Variants in FRMD4A observed in about 807,000 individuals in gnomAD.
The protein encoded by FRMD4A is FERM domain containing 4A, also known as FERM domain-containing protein 4A.
A neutral mutation model predicts 129.1 loss-of-function variants in FRMD4A; 29 were observed. The ratio of observed to expected loss-of-function variants is 0.22; its 90% confidence interval spans 0.17 to 0.31. The LOEUF is 0.31. Among genes scored for constraint, FRMD4A ranks in the 10% least tolerant of loss-of-function variants. The probability of loss-of-function intolerance (pLI) is 1.00; values close to 1 mark genes in which losing one functional copy is unlikely to be tolerated. For synonymous variants in FRMD4A, 634 were observed against 571.6 expected (o/e 1.11, Z -1.56); for missense variants, 1,272 against 1,375.8 (o/e 0.92, Z 1.19).
intron 16 of FRMD4A, among the ~76,000 whole-genome samples, chr10:13,671,470 T>C (rs927117180): frequency 1.3e-5 from 2 of 151,986 alleles, no homozygotes; most frequent in African/African-American, 4.8e-5. Context: ...AAAAAAAAAG[T>C]TTAGTAGAAA....
chr10:14,289,525 A>G (rs1260837939), intron 2 of FRMD4A, among the ~76,000 whole-genome samples: 1 of 152,044 alleles, frequency 6.6e-6, no homozygotes, highest in African/African-American at 2.4e-5. Flanking sequence ...TATATTTTGG[A>G]TTTTAATCCC....
chr10:13,664,593 C>G (rs142265498), intron 18 of FRMD4A, among the ~76,000 whole-genome samples: 3 of 152,342 alleles, frequency 2.0e-5, no homozygotes, highest in African/African-American at 7.2e-5. Context: ...CAGCACATCA[C>G]TGCTACGCTA....
intron 3 of FRMD4A, among the ~76,000 whole-genome samples, chr10:13,846,523 GA>G (rs797011892): frequency 2.2e-4 from 33 of 152,328 alleles, no homozygotes; most frequent in African/African-American, 7.7e-4. Context: ...AGAAGTTTGA[GA>G]ATCGTTGGTC....
intron 2 of FRMD4A, among the ~76,000 whole-genome samples, chr10:14,210,976 C>T (rs2131955717): frequency 6.6e-6 from 1 of 152,230 alleles, no homozygotes; most frequent in African/African-American, 2.4e-5. Flanking sequence ...ATCTGCCTGC[C>T]TTGGCTTCCC....
intron 2 of FRMD4A, among the ~76,000 whole-genome samples, chr10:14,169,869 T>C (rs1841385282): frequency 1.3e-5 from 2 of 152,156 alleles, no homozygotes; most frequent in Non-Finnish European, 2.9e-5. Flanking sequence ...TTGCAAGTAA[T>C]TGTCAAGCCT....
chr10:13,997,107 A>G (rs12358292), intron 2 of FRMD4A, among the ~76,000 whole-genome samples: 43,055 of 152,100 alleles, frequency 0.28, 7,323 homozygotes, highest in East Asian at 0.73. Context: ...TAGGTGACCA[A>G]TAGATGATAC....
intron 2 of FRMD4A, among the ~76,000 whole-genome samples, chr10:14,009,851 C>T (rs748230565): frequency 6.6e-6 from 1 of 152,038 alleles, no homozygotes; most frequent in Non-Finnish European, 1.5e-5. Context: ...GCTCACACGG[C>T]GTCTTTGGTG....
At chr10:13,769,667 G>T (rs922410531) in intron 6 of FRMD4A, among the ~76,000 whole-genome samples, 2 of 152,160 alleles carry the variant, frequency 1.3e-5, no homozygotes, top group Non-Finnish European at 2.9e-5. Context: ...TTCTGGATGA[G>T]ATCAGCATTT....
At chr10:13,969,318 C>T (rs1023991278) in intron 2 of FRMD4A, among the ~76,000 whole-genome samples, 3 of 152,254 alleles carry the variant, frequency 2.0e-5, no homozygotes, top group African/African-American at 7.2e-5. Context: ...AGACCACAGA[C>T]AAGCACGAGG....
At chr10:14,142,180 G>A (rs568801828) in intron 2 of FRMD4A, among the ~76,000 whole-genome samples, 3 of 151,240 alleles carry the variant, frequency 2.0e-5, no homozygotes, top group African/African-American at 7.3e-5. Context: ...GTTTTTGCTA[G>A]AAAGTCCCAG....
intron 2 of FRMD4A, among the ~76,000 whole-genome samples, chr10:14,207,116 C>A (rs1842806153): frequency 6.6e-6 from 1 of 151,916 alleles, no homozygotes. Context: ...GTTAGATAAG[C>A]AACATATTTA....
At chr10:14,064,804 T>C (rs1834979090) in intron 2 of FRMD4A, among the ~76,000 whole-genome samples, 1 of 152,122 alleles carries the variant, frequency 6.6e-6, no homozygotes, top group Non-Finnish European at 1.5e-5. Context: ...TCTTGAACTC[T>C]TGATCTCAGG....
At chr10:13,817,957 C>T (rs2093571338) in intron 3 of FRMD4A, among the ~76,000 whole-genome samples, 1 of 152,146 alleles carries the variant, frequency 6.6e-6, no homozygotes, top group African/African-American at 2.4e-5. Flanking sequence ...GTATACTATA[C>T]TACATACAGT....
At chr10:14,301,562 T>C (rs1846187059) in intron 2 of FRMD4A, among the ~76,000 whole-genome samples, 1 of 152,260 alleles carries the variant, frequency 6.6e-6, no homozygotes, top group South Asian at 2.1e-4. Flanking sequence ...TTCTCTTTTA[T>C]TCAATTGACT....
chr10:14,261,788 GT>G (rs1309196877), intron 2 of FRMD4A, among the ~76,000 whole-genome samples: 1 of 152,006 alleles, frequency 6.6e-6, no homozygotes, highest in Non-Finnish European at 1.5e-5. Flanking sequence ...AGGAGGGATC[GT>G]TTTTTCCTCC....
intron 2 of FRMD4A, among the ~76,000 whole-genome samples, chr10:14,055,461 AAACACACACAC>A (rs1834476090): frequency 6.9e-4 from 16 of 23,090 alleles, no homozygotes; most frequent in Non-Finnish European, 1.0e-3. Flanking sequence ...ACACACACAC[AAACACACACAC>A]ACACACACAC....
intron 2 of FRMD4A, among the ~76,000 whole-genome samples, chr10:14,193,851 A>G (rs958920187): frequency 6.6e-6 from 1 of 152,026 alleles, no homozygotes; most frequent in Non-Finnish European, 1.5e-5. Context: ...CCTTTCCTAG[A>G]CTTCTTGGTC....
chr10:14,224,449 C>T (rs1564398956), intron 2 of FRMD4A, among the ~76,000 whole-genome samples: 2 of 150,896 alleles, frequency 1.3e-5, no homozygotes, highest in East Asian at 3.8e-4. Context: ...TTTCTTCCCT[C>T]ATTTCCACTC....
chr10:14,039,494 C>G (rs1197375878), intron 2 of FRMD4A, among the ~76,000 whole-genome samples: 2 of 151,150 alleles, frequency 1.3e-5, no homozygotes, highest in African/African-American at 4.9e-5. Flanking sequence ...ATCTATCTAT[C>G]TATCTATCTA....
Sources: gnomAD v4.1 joint callset for allele counts (sites outside exome capture counted in the v4.1 genomes callset) on GRCh38, gnomAD v4.1.1 for gene constraint, MANE v1.5 for transcripts, NCBI Gene and HGNC (gene_info 2026-07-23, HGNC 2026-07-21) for gene names.